Variants in CECR2 observed in about 807,000 individuals in gnomAD.
The protein encoded by CECR2 is CECR2 histone acetyl-lysine reader.
A neutral mutation model predicts 154.5 loss-of-function variants in CECR2; 30 were observed. The ratio of observed to expected loss-of-function variants is 0.19; its 90% CI spans 0.15 to 0.26. The LOEUF (loss-of-function observed/expected upper bound fraction) is 0.26. Ranked by LOEUF, CECR2 falls within the 10% of genes least tolerant of loss-of-function variation. The probability of loss-of-function intolerance (pLI) is 1.00; values close to 1 mark genes in which losing one functional copy is unlikely to be tolerated. For missense variants in CECR2, 1,743 were observed against 1,829.3 expected (o/e 0.95, Z 0.86); for synonymous variants, 725 against 683.7 (o/e 1.06, Z -0.94).
In CECR2 at chr22:17,549,783, G is replaced by GTTTTTTTTTTTTTTTTTTTTTTTTTTTTT. The variant is rs1491166897; in HGVS notation, c.4277+219_4277+220insTTTTTTTTTTTTTTTTTTTTTTTTTTTTT. Among the ~76,000 whole-genome samples, 2 of 88,856 alleles carry GTTTTTTTTTTTTTTTTTTTTTTTTTTTTT rather than the reference G, an allele frequency of 2.3e-5. 1 individual carries two copies. 58.3% of individuals were successfully genotyped at this position (88,856 alleles called of 152,430 possible). On this transcript the variant is annotated intron_variant, in intron 17 of 18. Coordinates refer to ENST00000262608, the MANE Select transcript of CECR2 (RefSeq NM_001290047.2). Reference sequence around the variant, plus strand: ...TGCCACCACACCCAGCTAACTTTTTGGTTTTTTTTTTTTTTTTTTTTTGGT... The same window carrying GTTTTTTTTTTTTTTTTTTTTTTTTTTTTT: ...TGCCACCACACCCAGCTAACTTTTTGTTTTTTTTTTTTTTTTTTTTTTTTTTTTTGTTTTTTTTTTTTTTTTTTTTTGGT...
intron 14 of CECR2, 90 bp from the exon 15 acceptor site, chr22:17,541,735 TGTTTTATTTTAGTA>T (rs2056525733): frequency 7.2e-7 from 1 of 1,383,958 alleles, no homozygotes; most frequent in East Asian, 2.4e-5. Context: ...TTTAGTCGTC[TGTTTTATTTTAGTA>T]GAACGTTCAT....
intron 1 of CECR2, 39 bp downstream of exon 1, chr22:17,369,948 C>G (rs2063034696): frequency 6.6e-6 from 1 of 150,970 alleles, no homozygotes; most frequent in Non-Finnish European, 1.5e-5. Context: ...GCGCTGCGCC[C>G]CCTGCTCCCC....
intron 1 of CECR2, among the ~76,000 whole-genome samples, chr22:17,443,555 G>A (rs546718544): frequency 6.6e-6 from 1 of 152,262 alleles, no homozygotes; most frequent in South Asian, 2.1e-4. Context: ...CAGAAGAAGA[G>A]ATGGAAAAAA....
At chr22:17,418,592 AG>A (rs1404153038) in intron 1 of CECR2, 1 of 163,232 alleles carries the variant, frequency 6.1e-6, no homozygotes, top group Non-Finnish European at 1.4e-5. Flanking sequence ...AGTATTGTTT[AG>A]TCTTTCTGGT....
intron 2 of CECR2, among the ~76,000 whole-genome samples, chr22:17,486,888 G>C (rs904600130): frequency 1.3e-5 from 2 of 152,050 alleles, no homozygotes; most frequent in South Asian, 4.2e-4. Flanking sequence ...AACACAAATC[G>C]CTGGGCCTCA....
intron 1 of CECR2, among the ~76,000 whole-genome samples, chr22:17,401,957 G>C (rs562817821): frequency 6.6e-6 from 1 of 152,054 alleles, no homozygotes; most frequent in African/African-American, 2.4e-5. Flanking sequence ...GGGGCTACAG[G>C]TGCTCAATAC....
intron 1 of CECR2, among the ~76,000 whole-genome samples, chr22:17,435,186 A>G (rs1161098508): frequency 6.7e-6 from 1 of 149,760 alleles, no homozygotes; most frequent in Non-Finnish European, 1.5e-5. Flanking sequence ...AGCTCCTCCA[A>G]AGTTTTTTCT....
Position 17,404,595 on chromosome 22 carries a change from G to T in CECR2, c.126+34686G>T, listed in dbSNP as rs559521543. ...TCACCGTTTTAGCCGGGATGGTCTC[G>T]ATCTCCTGACCTCGTGATCCACCCG... On this transcript the variant is annotated intron_variant, in intron 1 of 18. Transcript: ENST00000262608. 3.0e-5 allele frequency among the ~76,000 whole-genome samples: 4 copies of T among 132,324 alleles called. No individual in the cohort carries two copies. The South Asian group carries it at 8.7e-4, about 29-fold the overall frequency. 86.8% of individuals were successfully genotyped at this position (132,324 alleles called of 152,430 possible).
chr22:17,444,979 C>G (rs1480754035), intron 1 of CECR2, among the ~76,000 whole-genome samples: 1 of 152,180 alleles, frequency 6.6e-6, no homozygotes, highest in Non-Finnish European at 1.5e-5. Context: ...GTGCTGATTT[C>G]TCTTTGAAGA....
chr22:17,450,231 G>A (rs2054746663), intron 1 of CECR2, among the ~76,000 whole-genome samples: 1 of 152,158 alleles, frequency 6.6e-6, no homozygotes, highest in Non-Finnish European at 1.5e-5. Flanking sequence ...GTAATTTGTT[G>A]TCATTTAAAA....
intron 1 of CECR2, among the ~76,000 whole-genome samples, chr22:17,360,417 C>T (rs2062970530): frequency 6.6e-6 from 1 of 152,226 alleles, no homozygotes; most frequent in African/African-American, 2.4e-5. Context: ...TGAAGTGGCT[C>T]ACGCCTATAA....
At chr22:17,524,011 C>A (rs946739325) in intron 8 of CECR2, 107 bp from the exon 9 acceptor site, 2 of 851,692 alleles carry the variant, frequency 2.3e-6, no homozygotes, top group African/African-American at 3.4e-5. Flanking sequence ...ATATAAAGTC[C>A]CTAGCTAATA....
intron 1 of CECR2, among the ~76,000 whole-genome samples, chr22:17,377,808 T>C (rs1173822044): frequency 1.3e-5 from 2 of 152,202 alleles, no homozygotes; most frequent in East Asian, 3.8e-4. Context: ...TTGGGGACAG[T>C]CATTTTTCAG....
chr22:17,518,827 G>T, intron 8 of CECR2: 1 of 284,398 alleles, frequency 3.5e-6, no homozygotes, highest in Admixed American at 4.0e-5. Flanking sequence ...ATCTCCTAAG[G>T]CTACTGAGAG....
intron 9 of CECR2, among the ~76,000 whole-genome samples, chr22:17,529,567 G>A (rs1290246869): frequency 6.6e-6 from 1 of 151,686 alleles, no homozygotes; most frequent in Non-Finnish European, 1.5e-5. Flanking sequence ...AGGCGTGGTG[G>A]CACATGCCTG....
At chr22:17,438,972 T>TATCA (rs1427334939) in intron 1 of CECR2, among the ~76,000 whole-genome samples, 2 of 152,146 alleles carry the variant, frequency 1.3e-5, no homozygotes, top group African/African-American at 4.8e-5. Flanking sequence ...GGCCAGGACT[T>TATCA]AGAGACCAGC....
intron 1 of CECR2, among the ~76,000 whole-genome samples, chr22:17,385,861 G>A (rs116623838): frequency 6.6e-6 from 1 of 152,234 alleles, no homozygotes; most frequent in Non-Finnish European, 1.5e-5. Context: ...GTGGTAACAG[G>A]AAAGGACATT....
At position 17,548,588 on chromosome 22, in the gene CECR2, C is replaced by T. The variant is rs753854261; in HGVS notation, c.3301C>T (p.Pro1101Ser). 5.6e-6 allele frequency: 9 copies of T among 1,613,518 alleles called. No individual in the cohort carries two copies. Among genetic ancestry groups the T allele is most frequent in the Non-Finnish European group, 7.6e-6 (9 of 1,179,788 alleles). ...MPCTGQNAAT[P>S]PSTDPGLTGG... The stretch of plus-strand genomic sequence containing the variant: ...ATGCACGGGACAGAACGCAGCGACA[C>T]CGCCCAGCACAGACCCCGGTTTGAC... The change falls in exon 17 of 19, where the codon CCG (proline) becomes TCG (serine). Residue 1101 changes from proline (P) to serine (S), a missense_variant. By Grantham distance (74) the Pro-to-Ser change is moderately conservative. Coordinates refer to ENST00000262608, the MANE Select transcript of CECR2 (RefSeq NM_001290047.2).
intron 1 of CECR2, among the ~76,000 whole-genome samples, chr22:17,406,941 A>T (rs1356715335): frequency 6.6e-6 from 1 of 152,172 alleles, no homozygotes; most frequent in Non-Finnish European, 1.5e-5. Context: ...TCCTTCTTGA[A>T]CACTGGTGAG....
Sources: gnomAD v4.1 joint callset for allele counts (sites outside exome capture counted in the v4.1 genomes callset) on GRCh38, gnomAD v4.1.1 for gene constraint, MANE v1.5 for transcripts, NCBI Gene and HGNC (gene_info 2026-07-23, HGNC 2026-07-21) for gene names.